Variants in MYOM2 observed in about 807,000 individuals in gnomAD.
The protein encoded by MYOM2 is myomesin 2, also known as myomesin-2.
MYOM2 carries 254 observed loss-of-function variants against 187.6 expected under a neutral mutation model. That is an observed-to-expected ratio of 1.35 (90% confidence interval 1.22 to 1.50). The LOEUF (loss-of-function observed/expected upper bound fraction) is 1.50. MYOM2 is among the 40% of genes most tolerant of loss of function. The pLI is 0.00. For missense variants in MYOM2, 2,796 were observed against 1,924.0 expected, an observed-to-expected ratio of 1.45 and a Z score of -8.48; for synonymous variants, 981 against 753.8, an observed-to-expected ratio of 1.30 and a Z score of -4.94.
At chr8:2,092,768 T>C (rs1309343387) in intron 16 of MYOM2, among the ~76,000 whole-genome samples, 1 of 152,234 alleles carries the variant, frequency 6.6e-6, no homozygotes, top group Non-Finnish European at 1.5e-5. Flanking sequence ...ACCTGTTTTT[T>C]TTTCCCCTGA....
At chr8:2,083,520 G>A (rs73657723) in intron 13 of MYOM2, among the ~76,000 whole-genome samples, 4 of 151,968 alleles carry the variant, frequency 2.6e-5, no homozygotes, top group Non-Finnish European at 5.9e-5. Context: ...AGCATCTCAC[G>A]TGTGCTTAGC....
At chr8:2,082,240 C>T (rs758424686) in intron 13 of MYOM2, 1 of 152,176 alleles carries the variant, frequency 6.6e-6, no homozygotes, top group Non-Finnish European at 1.5e-5. Flanking sequence ...TATCTGTTCA[C>T]CTCAGCCATT....
In MYOM2 at chr8:2,124,163, C is replaced by T. The variant is rs1157882934; in HGVS notation, c.3656-16C>T. ...AGTTACATGTCGTAATGGTGCGTAT[C>T]CCTTCTCATTTTCAGTGTATGATGA... On this transcript the variant is annotated splice_polypyrimidine_tract_variant and intron_variant, in intron 30 of 36. Coordinates refer to ENST00000262113, the MANE Select transcript of MYOM2 (RefSeq NM_003970.4). 2 of 1,609,488 alleles carry T rather than the reference C, an allele frequency of 1.2e-6. No individual in the cohort carries two copies. Among genetic ancestry groups the T allele is most frequent in the Non-Finnish European group, 1.7e-6 (2 of 1,177,282 alleles).
At chr8:2,105,029 C>T (rs1259808555) in intron 21 of MYOM2, among the ~76,000 whole-genome samples, 1 of 152,164 alleles carries the variant, frequency 6.6e-6, no homozygotes, top group African/African-American at 2.4e-5. Context: ...CCTCTGGCCT[C>T]GGCCTCCCAA....
intron 24 of MYOM2, 138 bp from the exon 25 acceptor site, chr8:2,109,257 C>A: frequency 2.0e-6 from 2 of 1,006,482 alleles, no homozygotes; most frequent in South Asian, 1.9e-5. Context: ...ATATTTTTAG[C>A]TTCCATAATC....
At chr8:2,097,665 C>G (rs1796540868) in intron 18 of MYOM2, among the ~76,000 whole-genome samples, 1 of 152,100 alleles carries the variant, frequency 6.6e-6, no homozygotes, top group African/African-American at 2.4e-5. Context: ...CAGGCGCCCA[C>G]CACCACGCCC....
intron 14 of MYOM2, among the ~76,000 whole-genome samples, chr8:2,088,847 C>T (rs1395160178): frequency 1.3e-5 from 2 of 152,206 alleles, no homozygotes; most frequent in East Asian, 1.9e-4. Context: ...AAACTGCTTT[C>T]CACAGTGACT....
intron 27 of MYOM2, among the ~76,000 whole-genome samples, chr8:2,117,494 T>A (rs1347383579): frequency 6.6e-6 from 1 of 152,194 alleles, no homozygotes; most frequent in Non-Finnish European, 1.5e-5. Flanking sequence ...TTTAAAGGTA[T>A]TATTTACCAT....
chr8:2,052,906 G>A lies in MYOM2; in HGVS notation c.263+593G>A, dbSNP rs1671800206. On this transcript the variant is annotated intron_variant, in intron 3 of 36. Transcript: ENST00000262113. ...CATGCTTTACATTTCAACAGAGGCA[G>A]CTCGTGGGGTGAAATGTCATGGGAA... Among the ~76,000 whole-genome samples the A allele has an allele frequency of 3.3e-5, 5 of 152,348 alleles. No individual in the cohort carries two copies. In the South Asian group the frequency reaches 8.3e-4, roughly 25 times the overall value.
chr8:2,090,248 C>A, intron 15 of MYOM2, 57 bp downstream of exon 15: 2 of 1,507,808 alleles, frequency 1.3e-6, no homozygotes, highest in Admixed American at 1.8e-5. Context: ...GGGGTGACAC[C>A]AAATAGCCTT....
At chr8:2,078,180 C>G (rs1413720140) in intron 11 of MYOM2, among the ~76,000 whole-genome samples, 1 of 152,178 alleles carries the variant, frequency 6.6e-6, no homozygotes, top group Non-Finnish European at 1.5e-5. Flanking sequence ...TTTCAAAAGA[C>G]TTCTAAATTC....
intron 26 of MYOM2, 28 bp from the exon 27 acceptor site, chr8:2,116,188 T>C (rs892645306): frequency 6.3e-7 from 1 of 1,598,494 alleles, no homozygotes; most frequent in Non-Finnish European, 8.5e-7. Context: ...ACATGTTTCA[T>C]ATATATTTTT....
rs773880910 is a variant in MYOM2, at chr8:2,072,508, T to C, written c.957T>C (p.Asp319=). ...RVQPRAEWYR[D]DVLLKESKWT... is the part of the protein sequence containing the mutation. ...AGCCGCGCGCCGAGTGGTACCGCGA[T>C]GGTGAGTAGGACACGGCCCAGACCC... Residue 319 remains aspartate, a splice_region_variant and synonymous_variant, in exon 9 of 37, where the codon GAT becomes GAC. Transcript: ENST00000262113. The C allele has an allele frequency of 5.0e-6, 8 of 1,612,594 alleles. No homozygotes were observed. The East Asian group carries it at 1.6e-4, about 31-fold the overall frequency.
At chr8:2,067,779 T>C (rs1257697729) in intron 6 of MYOM2, among the ~76,000 whole-genome samples, 1 of 152,134 alleles carries the variant, frequency 6.6e-6, no homozygotes. Context: ...TTCCCAGGGA[T>C]AAACACACAT....
intron 28 of MYOM2, among the ~76,000 whole-genome samples, chr8:2,121,816 G>C (rs1243382539): frequency 1.3e-5 from 2 of 152,228 alleles, no homozygotes; most frequent in African/African-American, 2.4e-5. Flanking sequence ...CTCTTAGGAA[G>C]TGTGAGTCAG....
In MYOM2 at chr8:2,128,745, A is replaced by T. The variant is rs148184661; in HGVS notation, c.3695-382A>T. Reference sequence around the variant, plus strand: ...CCTGAAAGAGTCCTGCTAAATCTTAACGTCCCTTTTGCAGATTTTCTACGA... The same window carrying T: ...CCTGAAAGAGTCCTGCTAAATCTTATCGTCCCTTTTGCAGATTTTCTACGA... On this transcript the variant is annotated intron_variant, in intron 31 of 36. Coordinates refer to ENST00000262113, the MANE Select transcript of MYOM2 (RefSeq NM_003970.4). 2.4e-3 allele frequency among the ~76,000 whole-genome samples: 366 copies of T among 152,240 alleles called. 2 individuals are homozygous for T. Among genetic ancestry groups the T allele is most frequent in the African/African-American group, 7.9e-3 (329 of 41,550 alleles).
chr8:2,107,632 T>C (rs1404257381), intron 23 of MYOM2, among the ~76,000 whole-genome samples: 4 of 152,108 alleles, frequency 2.6e-5, no homozygotes, highest in Admixed American at 6.5e-5. Flanking sequence ...CTCATGCACA[T>C]TTAACAAGAC....
At chr8:2,080,819 CGGG>C (rs1406725576) in intron 13 of MYOM2, among the ~76,000 whole-genome samples, 1 of 143,750 alleles carries the variant, frequency 7.0e-6, no homozygotes, top group African/African-American at 3.0e-5. Flanking sequence ...TTCTGGCCTC[CGGG>C]AGGAACAGGC....
At chr8:2,083,604 G>T (rs1819709854) in intron 13 of MYOM2, among the ~76,000 whole-genome samples, 1 of 152,232 alleles carries the variant, frequency 6.6e-6, no homozygotes, top group African/African-American at 2.4e-5. Flanking sequence ...GGTGTCTCAT[G>T]TGTGCTTAAC....
Sources: allele counts gnomAD v4.1 joint callset (sites outside exome capture counted in the v4.1 genomes callset), GRCh38; gene constraint gnomAD v4.1.1; transcripts MANE v1.5; gene names NCBI Gene and HGNC (gene_info 2026-07-23, HGNC 2026-07-21).